C5orf22: variants seen among roughly 807,000 people sequenced by gnomAD.
The protein encoded by C5orf22 is UPF0489 protein C5orf22.
C5orf22 carries 36 observed loss-of-function variants against 48.7 expected under a neutral mutation model. The observed-to-expected ratio is 0.74, with a 90% confidence interval of 0.57 to 0.98. The LOEUF (loss-of-function observed/expected upper bound fraction) is 0.98, where lower values mean the gene tolerates loss of function less well. Ranked by LOEUF, C5orf22 falls within the 50% of genes least tolerant of loss-of-function variation. The pLI, the probability that C5orf22 is intolerant of heterozygous loss-of-function variation, is 0.00. For synonymous variants in C5orf22, 141 were observed against 180.8 expected, an observed-to-expected ratio of 0.78 and a Z score of 1.76; for missense variants, 486 against 521.9, an observed-to-expected ratio of 0.93 and a Z score of 0.67.
chr5:31,538,143 T>G, intron 3 of C5orf22, 117 bp from the exon 4 acceptor site: 1 of 739,300 alleles, frequency 1.4e-6, no homozygotes, highest in South Asian at 1.8e-5. Flanking sequence ...GTATAAATAC[T>G]AGAGACTGCT....
rs1742835284 is a variant in C5orf22 at position 31,545,630 on chromosome 5, G to A, written c.993-16G>A. ...GTGGTTGTGATGTTTAATTGAGTGGGATGGCTTTTTTCCAGAATGGAATCA... is the reference window on the plus strand; with the variant it reads ...GTGGTTGTGATGTTTAATTGAGTGGAATGGCTTTTTTCCAGAATGGAATCA... On this transcript the variant is annotated splice_polypyrimidine_tract_variant and intron_variant, in intron 6 of 8. Transcript: ENST00000325366. The A allele has an allele frequency of 1.2e-6, 2 of 1,600,382 alleles. No homozygotes were observed.
intron 2 of C5orf22, 61 bp from the exon 3 acceptor site, chr5:31,535,683 A>G: frequency 7.3e-7 from 1 of 1,373,978 alleles, no homozygotes; most frequent in Non-Finnish European, 9.8e-7. Context: ...TGTGGATAAA[A>G]TTACACTTGG....
At chr5:31,544,262 A>G (rs1742676284) in intron 6 of C5orf22, among the ~76,000 whole-genome samples, 1 of 152,304 alleles carries the variant, frequency 6.6e-6, no homozygotes. Context: ...AGAGCTTCCA[A>G]AAGGTCCACC....
chr5:31,534,416 G>C lies in C5orf22; in HGVS notation c.226G>C (p.Gly76Arg). 6.2e-7 allele frequency: 1 copy of C among 1,601,000 alleles called. No homozygotes were observed. Among genetic ancestry groups the C allele is most frequent in the Non-Finnish European group, 8.5e-7 (1 of 1,176,316 alleles). The part of the protein sequence containing the change: ...DTVFDKETLF[G>R]ELSIENWIMP... The stretch of plus-strand genomic sequence containing the variant: ...CGTGTTTGATAAGGAAACACTCTTT[G>C]GGTAATATGTGATTTTATTTATGGT... Residue 76 changes from glycine to arginine, a missense_variant and splice_region_variant, in exon 2 of 9, where the codon GGA (glycine) becomes CGA (arginine). Gly to Arg is a moderately radical substitution (Grantham distance 125). Transcript: ENST00000325366.
chr5:31,552,702 A>G, intron 8 of C5orf22, 71 bp from the exon 9 acceptor site: 2 of 1,354,748 alleles, frequency 1.5e-6, no homozygotes, highest in Non-Finnish European at 2.1e-6. Flanking sequence ...AAATGAACAC[A>G]TGCAGCTTTT....
chr5:31,545,580 A>T, intron 6 of C5orf22, 66 bp from the exon 7 acceptor site: 1 of 1,062,438 alleles, frequency 9.4e-7, no homozygotes, highest in East Asian at 2.4e-5. Flanking sequence ...ATAATGTATA[A>T]TTTGCTATTA....
intron 4 of C5orf22, 45 bp downstream of exon 4, chr5:31,538,734 G>T: frequency 1.4e-6 from 2 of 1,426,742 alleles, no homozygotes; most frequent in Non-Finnish European, 1.9e-6. Flanking sequence ...GAATTGTATG[G>T]CTTTTCTCTA....
At chr5:31,550,040 C>T (rs1195448209) in intron 7 of C5orf22, among the ~76,000 whole-genome samples, 3 of 152,072 alleles carry the variant, frequency 2.0e-5, no homozygotes, top group African/African-American at 7.2e-5. Flanking sequence ...TTATGTAATC[C>T]ATTATGATAT....
intron 1 of C5orf22, among the ~76,000 whole-genome samples, chr5:31,533,890 G>A (rs1385422172): frequency 1.3e-5 from 2 of 152,000 alleles, no homozygotes; most frequent in East Asian, 3.9e-4. Context: ...CAACTGACAA[G>A]CCCCTATCCC....
chr5:31,538,249 C>A lies in C5orf22; in HGVS notation c.378-11C>A. The A allele has an allele frequency of 1.3e-6, 2 of 1,547,654 alleles. No individual in the cohort carries two copies. Among genetic ancestry groups the A allele is most frequent in the Non-Finnish European group, 1.7e-6 (2 of 1,147,086 alleles). On this transcript the variant is annotated splice_polypyrimidine_tract_variant and intron_variant, in intron 3 of 8. Transcript: ENST00000325366. ...CATTCTTCTTAAAAATCGTTTTTTC[C>A]TCTGATTCAGGGTTACAAGTACAGA... is the stretch of plus-strand genomic sequence containing the variant.
rs370836766 is a variant in C5orf22, at chr5:31,552,827, G to T, written c.1254G>T (p.Lys418Asn). ...PSDQVDTIQE[K>N]VLNMLRALYG... Reference sequence around the variant, plus strand: ...ACCAAGTTGACACTATTCAAGAAAAGGTCCTCAATATGCTACGTGCCCTCT... The same window carrying T: ...ACCAAGTTGACACTATTCAAGAAAATGTCCTCAATATGCTACGTGCCCTCT... The change falls in exon 9 of 9, where the codon AAG becomes AAT. Residue 418 changes from lysine to asparagine, a missense_variant. Lys to Asn is a moderately conservative substitution (Grantham distance 94). This residue lies in a region of C5orf22 where 408 missense variants were observed against 444.0 expected (regional missense o/e 0.92). Coordinates refer to ENST00000325366, the MANE Select transcript of C5orf22 (RefSeq NM_018356.3). The T allele has an allele frequency of 3.7e-6, 6 of 1,613,596 alleles. No homozygotes were observed. The highest frequency in any genetic ancestry group is 5.1e-6 in the Non-Finnish European group (6 of 1,179,568).
At position 31,532,363 on chromosome 5, in the gene C5orf22, C is replaced by A; in HGVS notation, c.-30C>A. On this transcript the variant is annotated 5_prime_UTR_variant, in exon 1 of 9. Transcript: ENST00000325366. Reference sequence around the variant, plus strand: ...CCCGGGTCTTCTCCAGCTGCCACCGCTTTACTGCAAAACTGACGGGCGCAA... The same window carrying A: ...CCCGGGTCTTCTCCAGCTGCCACCGATTTACTGCAAAACTGACGGGCGCAA... 1 of 1,612,864 alleles carries A rather than the reference C, an allele frequency of 6.2e-7. No individual in the cohort carries two copies. The highest frequency in any genetic ancestry group is 8.5e-7 in the Non-Finnish European group (1 of 1,178,982).
intron 4 of C5orf22, among the ~76,000 whole-genome samples, chr5:31,539,132 T>A (rs10051162): frequency 0.22 from 33,191 of 151,922 alleles, 3,706 homozygotes; most frequent in Admixed American, 0.25. Flanking sequence ...TAAAAAATAA[T>A]ACAAATAAAA....
Position 31,541,421 on chromosome 5 carries a change from T to C in C5orf22, c.992+19T>C. On this transcript the variant is annotated intron_variant, in intron 6 of 8. Transcript: ENST00000325366. ...ACCCTGGGTAAGACTCTCAAACATTTTTTTCCCCCAACTCTACTAACTTTC... is the reference window on the plus strand; with the variant it reads ...ACCCTGGGTAAGACTCTCAAACATTCTTTTCCCCCAACTCTACTAACTTTC... 6.2e-7 allele frequency: 1 copy of C among 1,610,040 alleles called. No homozygotes were observed. The highest frequency in any genetic ancestry group is 8.5e-7 in the Non-Finnish European group (1 of 1,177,944).
chr5:31,552,034 G>A (rs1229369957), intron 8 of C5orf22, among the ~76,000 whole-genome samples: 2 of 152,130 alleles, frequency 1.3e-5, no homozygotes, highest in Non-Finnish European at 1.5e-5. Flanking sequence ...AGATTTCTGT[G>A]CTGCTCTTCT....
Position 31,534,291 on chromosome 5 carries a change from G to A in C5orf22, c.101G>A (p.Arg34Gln), listed in dbSNP as rs757148459. The A allele has an allele frequency of 4.3e-6, 7 of 1,613,236 alleles. No individual in the cohort carries two copies. The highest frequency in any genetic ancestry group is 4.0e-5 in the African/African-American group (3 of 74,782). The change falls in exon 2 of 9, where the codon CGG becomes CAG. Residue 34 changes from arginine to glutamine, a missense_variant. Arg to Gln is a conservative substitution (Grantham distance 43). Transcript: ENST00000325366. Reference protein sequence around the residue: ...DHQEVLPFIYRAIGSKHLPAS... With the variant: ...DHQEVLPFIYQAIGSKHLPAS... ...TTACAGGTTCTACCCTTTATATACC[G>A]GGCCATAGGCTCAAAGCATCTTCCT...
In C5orf22 at chr5:31,538,264, A is replaced by G. The variant is rs770962050; in HGVS notation, c.382A>G (p.Thr128Ala). ...TCGTTTTTTCCTCTGATTCAGGGTT[A>G]CAAGTACAGATCATTATTTCCTAAG... ...KDTSTTTIRV[T>A]STDHYFLSDG... The change falls in exon 4 of 9, where the codon ACA (threonine) becomes GCA (alanine). Residue 128 changes from threonine (T) to alanine (A), a missense_variant. Physicochemically the swap from Thr to Ala is moderately conservative, Grantham distance 58. This residue lies in a region of C5orf22 where 408 missense variants were observed against 444.0 expected (regional missense o/e 0.92). Coordinates refer to ENST00000325366, the MANE Select transcript of C5orf22 (RefSeq NM_018356.3). 38 of 1,590,136 alleles carry G rather than the reference A, an allele frequency of 2.4e-5. 1 individual carries two copies. The South Asian group carries it at 3.6e-4, about 15-fold the overall frequency.
chr5:31,542,668 T>C (rs1361052497), intron 6 of C5orf22, among the ~76,000 whole-genome samples: 1 of 152,196 alleles, frequency 6.6e-6, no homozygotes, highest in African/African-American at 2.4e-5. Flanking sequence ...GTATTGAAGC[T>C]GGAGTGAAAG....
At chr5:31,534,497 C>T (rs1741957576) in intron 2 of C5orf22, 80 bp downstream of exon 2, 1 of 1,256,932 alleles carries the variant, frequency 8.0e-7, no homozygotes. Context: ...AGGAAATAGA[C>T]TTTGCTAAAC....
Sources: allele counts gnomAD v4.1 joint callset (sites outside exome capture counted in the v4.1 genomes callset), GRCh38; gene constraint gnomAD v4.1.1; regional missense constraint gnomAD v4.1.1; transcripts MANE v1.5; gene names NCBI Gene and HGNC (gene_info 2026-07-23, HGNC 2026-07-21).